RAB33A: variants seen among roughly 807,000 people sequenced by gnomAD.
The protein encoded by RAB33A is RAB33A, member RAS oncogene family.
In RAB33A, 6 loss-of-function variants were observed where a neutral mutation model predicts 12.0. That is an observed-to-expected ratio of 0.50 (90% CI 0.27 to 0.99). The LOEUF (loss-of-function observed/expected upper bound fraction) is 0.99, where lower values mean the gene tolerates loss of function less well. Among genes scored for constraint, RAB33A ranks in the 50% least tolerant of loss-of-function variants. The pLI, the probability that RAB33A is intolerant of heterozygous loss-of-function variation, is 0.11. For missense variants in RAB33A, 109 were observed against 192.0 expected (o/e 0.57, Z 2.55); for synonymous variants, 70 against 82.4 (o/e 0.85, Z 0.81).
chrX:130,144,646 A>G, the RAB33A span, among the ~76,000 whole-genome samples: 2 of 111,101 alleles, frequency 1.8e-5, no homozygotes. Flanking sequence ...TGATGTCATC[A>G]CTCTACTGGG....
the RAB33A span, among the ~76,000 whole-genome samples, chrX:130,124,551 G>GACAC: frequency 3.2e-4 from 36 of 111,857 alleles, no homozygotes; most frequent in South Asian, 7.6e-4. Flanking sequence ...TCTTCAGAAA[G>GACAC]ACACAGGACT....
chrX:130,129,967 T>C, the RAB33A span: 1 of 1,211,581 alleles, frequency 8.3e-7, no homozygotes, highest in Non-Finnish European at 1.1e-6. Flanking sequence ...GACAGGCACC[T>C]ACCTTCCTTG....
At chrX:130,134,665 C>G in the RAB33A span, among the ~76,000 whole-genome samples, 1 of 109,741 alleles carries the variant, frequency 9.1e-6, no homozygotes, top group Non-Finnish European at 1.9e-5. Context: ...TCAAGTATTT[C>G]AAGCAGAGGG....
chrX:130,118,787 G>A, the RAB33A span, among the ~76,000 whole-genome samples: 1 of 111,220 alleles, frequency 9.0e-6, no homozygotes, highest in Non-Finnish European at 1.9e-5. Flanking sequence ...GGGTCTCACA[G>A]ATGTGAGTGA....
chrX:130,146,449 ATATGTGTGTG>A, the RAB33A span, among the ~76,000 whole-genome samples: 2 of 65,140 alleles, frequency 3.1e-5, no homozygotes, highest in African/African-American at 1.5e-4. Context: ...GTCTCTCAAA[ATATGTGTGTG>A]TGTGTGTGTG....
chrX:130,119,610 AG>A, the RAB33A span, among the ~76,000 whole-genome samples: 1 of 111,081 alleles, frequency 9.0e-6, no homozygotes, highest in Non-Finnish European at 1.9e-5. Flanking sequence ...GGTAGAAAGG[AG>A]GGGGCTTCCA....
chrX:130,125,091 T>C, the RAB33A span, among the ~76,000 whole-genome samples: 1 of 111,928 alleles, frequency 8.9e-6, no homozygotes, highest in Non-Finnish European at 1.9e-5. Flanking sequence ...CCTTGTATAA[T>C]GCTGATGCCC....
the RAB33A span, chrX:130,140,656 G>T: frequency 3.2e-4 from 337 of 1,047,333 alleles, 2 homozygotes; most frequent in East Asian, 9.7e-3. Context: ...AGGTAGAGAT[G>T]AATTAGCATT....
At chrX:130,139,654 G>T in the RAB33A span, 3 of 558,705 alleles carry the variant, frequency 5.4e-6, no homozygotes, top group African/African-American at 4.5e-5. Context: ...GAAGTGACTT[G>T]TTCAAGGCCA....
the RAB33A span, chrX:130,140,463 T>C: frequency 4.2e-5 from 38 of 913,148 alleles, no homozygotes; most frequent in Middle Eastern, 2.1e-3. Flanking sequence ...ATGCCTTCCA[T>C]AGAGAAGGCT....
chrX:130,145,388 C>G, the RAB33A span: 4 of 693,758 alleles, frequency 5.8e-6, no homozygotes, highest in Non-Finnish European at 9.3e-6. Flanking sequence ...AATGGCAGGA[C>G]AGACATAAAT....
chrX:130,118,939 G>A, the RAB33A span, among the ~76,000 whole-genome samples: 6 of 111,770 alleles, frequency 5.4e-5, no homozygotes, highest in African/African-American at 2.0e-4. Flanking sequence ...AAGCAGTATG[G>A]TATGTGAGCC....
At chrX:130,151,531 G>A in the RAB33A span, among the ~76,000 whole-genome samples, 2 of 111,958 alleles carry the variant, frequency 1.8e-5, no homozygotes, top group Non-Finnish European at 1.9e-5. Flanking sequence ...AACCCTGAGA[G>A]CTGGGTTCAA....
the RAB33A span, among the ~76,000 whole-genome samples, chrX:130,149,094 G>C: frequency 9.2e-6 from 1 of 108,255 alleles, no homozygotes; most frequent in African/African-American, 3.4e-5. Flanking sequence ...GCTAATTTTT[G>C]TATTTTTAGT....
At chrX:130,136,965 T>C in the RAB33A span, 1 of 1,188,087 alleles carries the variant, frequency 8.4e-7, no homozygotes, top group South Asian at 1.8e-5. Context: ...GTGGAAACAT[T>C]TTACAGGCCA....
At chrX:130,134,403 A>G in the RAB33A span, among the ~76,000 whole-genome samples, 1 of 111,228 alleles carries the variant, frequency 9.0e-6, no homozygotes, top group Non-Finnish European at 1.9e-5. Context: ...CAGTTTTTGG[A>G]TGTGACTGCC....
At chrX:130,129,854 C>G in the RAB33A span, 1 of 956,279 alleles carries the variant, frequency 1.0e-6, no homozygotes, top group Non-Finnish European at 1.5e-6. Flanking sequence ...TTGTTCTGCT[C>G]AGGCACAATT....
At position 130,181,007 on chromosome X, in the gene RAB33A, C is replaced by CAAAAAAAAAAAAAAAA. The variant is rs60085312; in HGVS notation, c.259-3266_259-3251dup. Among the ~76,000 whole-genome samples the CAAAAAAAAAAAAAAAA allele has an allele frequency of 2.5e-4, 2 of 8,129 alleles. 1 individual carries two copies. The highest frequency in any genetic ancestry group is 6.8e-4 in the African/African-American group (2 of 2,954). The allele number at this position is 8,129 out of a possible 115,157, so 7.1% of individuals were successfully genotyped here. A position where few individuals can be genotyped will look rare whatever the true frequency, so the allele number is the denominator to read the frequency against. ...TGGGCAACAGAGCAACAGTCCATCT[C>CAAAAAAAAAAAAAAAA]AAAAAAAAAAAAAAAAAAAAAAAAA... On this transcript the variant is annotated intron_variant, in intron 1 of 1. Transcript: ENST00000257017.
rs1362545151 is a variant in RAB33A at position 130,178,333 on chromosome X, G to A, written c.259-5952G>A. ...ATCTTGTCTGGAAAAGAGAGAGAGA[G>A]AGAGAGAGAAAGAGACCAGGCGTGG... On this transcript the variant is annotated intron_variant, in intron 1 of 1. Transcript: ENST00000257017. Among the ~76,000 whole-genome samples the A allele has an allele frequency of 5.6e-5, 6 of 107,040 alleles. No individual in the cohort carries two copies. The East Asian group carries it at 1.8e-3, about 32-fold the overall frequency. 93.0% of individuals were successfully genotyped at this position (107,040 alleles called of 115,157 possible).
Sources: allele counts gnomAD v4.1 joint callset (sites outside exome capture counted in the v4.1 genomes callset), GRCh38; gene constraint gnomAD v4.1.1; transcripts MANE v1.5; gene names NCBI Gene and HGNC (gene_info 2026-07-23, HGNC 2026-07-21).